The following GALNT17 variants were observed in gnomAD, a reference collection of about 807,000 sequenced individuals.
GALNT17 encodes polypeptide N-acetylgalactosaminyltransferase 17.
A neutral mutation model predicts 63.7 loss-of-function variants in GALNT17; 29 were observed. That is an observed-to-expected ratio of 0.46 (90% CI 0.34 to 0.62). The LOEUF (loss-of-function observed/expected upper bound fraction) is 0.62, where lower values mean the gene tolerates loss of function less well. Among genes scored for constraint, GALNT17 ranks in the 20% least tolerant of loss-of-function variants. GALNT17 has a pLI of 0.01. For synonymous variants in GALNT17, 305 were observed against 318.3 expected, an observed-to-expected ratio of 0.96 and a Z score of 0.45; for missense variants, 603 against 799.6, an observed-to-expected ratio of 0.75 and a Z score of 2.97.
At chr7:71,620,685 T>G (rs1225019592) in intron 6 of GALNT17, among the ~76,000 whole-genome samples, 1 of 152,198 alleles carries the variant, frequency 6.6e-6, no homozygotes, top group Non-Finnish European at 1.5e-5. Flanking sequence ...AAAGATCAAG[T>G]CAGTGTACGT....
At position 71,190,091 on chromosome 7, in the gene GALNT17, A is replaced by G. The variant is rs377141205; in HGVS notation, c.238+57051A>G. Among the ~76,000 whole-genome samples, 237 of 152,300 alleles carry G rather than the reference A, an allele frequency of 1.6e-3. 2 individuals are homozygous for G. The Middle Eastern group carries it at 0.034, about 22-fold the overall frequency. ...CTCCCAAAGTGCTGGGATTACAGGC[A>G]TGAGCCATAGCACCTGGCTGCAAGA... On this transcript the variant is annotated intron_variant, in intron 1 of 10. Transcript: ENST00000333538.
chr7:71,490,407 C>A (rs528923241), intron 5 of GALNT17, among the ~76,000 whole-genome samples: 1 of 152,196 alleles, frequency 6.6e-6, no homozygotes, highest in East Asian at 1.9e-4. Flanking sequence ...TCAAGTTATT[C>A]CTATCAGGGG....
At chr7:71,591,863 A>G (rs1052152595) in intron 6 of GALNT17, among the ~76,000 whole-genome samples, 1 of 152,058 alleles carries the variant, frequency 6.6e-6, no homozygotes, top group Admixed American at 6.6e-5. Flanking sequence ...GGGTTTCACC[A>G]TGTTGCCCAG....
At chr7:71,269,543 G>A (rs1452608115) in intron 1 of GALNT17, among the ~76,000 whole-genome samples, 1 of 152,194 alleles carries the variant, frequency 6.6e-6, no homozygotes, top group Non-Finnish European at 1.5e-5. Context: ...GGAGGAGGCA[G>A]TAGAAGGAGT....
chr7:71,151,347 C>T (rs1383544808), intron 1 of GALNT17, among the ~76,000 whole-genome samples: 2 of 152,038 alleles, frequency 1.3e-5, no homozygotes, highest in East Asian at 1.9e-4. Context: ...CTTGGCTGGG[C>T]GTGGTGGCTC....
At chr7:71,599,665 T>A (rs1388582761) in intron 6 of GALNT17, among the ~76,000 whole-genome samples, 1 of 151,772 alleles carries the variant, frequency 6.6e-6, no homozygotes, top group African/African-American at 2.4e-5. Context: ...GACATTGATA[T>A]CTGGTGGGTA....
chr7:71,276,529 T>C (rs1203657772), intron 1 of GALNT17, among the ~76,000 whole-genome samples: 1 of 152,136 alleles, frequency 6.6e-6, no homozygotes, highest in Non-Finnish European at 1.5e-5. Context: ...GTTCTCATGA[T>C]AGTGAATAAG....
intron 9 of GALNT17, among the ~76,000 whole-genome samples, chr7:71,696,906 C>T (rs2117105063): frequency 6.6e-6 from 1 of 152,104 alleles, no homozygotes; most frequent in Non-Finnish European, 1.5e-5. Flanking sequence ...AAAAATAACA[C>T]TAAGAAAAAC....
intron 6 of GALNT17, among the ~76,000 whole-genome samples, chr7:71,650,303 A>G (rs1045782641): frequency 1.3e-5 from 2 of 152,172 alleles, no homozygotes; most frequent in African/African-American, 2.4e-5. Flanking sequence ...AGGCTGGAGC[A>G]CAGTGGCATG....
chr7:71,290,126 A>G (rs1583832920), intron 1 of GALNT17, among the ~76,000 whole-genome samples: 1 of 152,196 alleles, frequency 6.6e-6, no homozygotes, highest in African/African-American at 2.4e-5. Flanking sequence ...TAGTATATGC[A>G]TGATAGCATG....
Position 71,132,713 on chromosome 7 carries a change from GT to G in GALNT17, c.-89del. ...CTTGGATCCCTGCCGGCCGTCTGGTGTGTGAGGCTTGCACGGCCCCTGGCTG... is the reference window on the plus strand; with the variant it reads ...CTTGGATCCCTGCCGGCCGTCTGGTGGTGAGGCTTGCACGGCCCCTGGCTG... On this transcript the variant is annotated 5_prime_UTR_variant, in exon 1 of 11. Transcript: ENST00000333538. 1 of 1,118,974 alleles carries G rather than the reference GT, an allele frequency of 8.9e-7. No individual in the cohort carries two copies. Among genetic ancestry groups the G allele is most frequent in the Admixed American group, 2.6e-5 (1 of 38,712 alleles). 69.3% of individuals were successfully genotyped at this position (1,118,974 alleles called of 1,614,324 possible). A position where few individuals can be genotyped will look rare whatever the true frequency, so the allele number is the denominator to read the frequency against.
intron 2 of GALNT17, among the ~76,000 whole-genome samples, chr7:71,380,526 C>T (rs917841660): frequency 3.3e-5 from 5 of 151,934 alleles, no homozygotes; most frequent in East Asian, 1.9e-4. Context: ...CTTGCTTTGT[C>T]GCCCAGGCTG....
Position 71,391,748 on chromosome 7 carries a change from A to G in GALNT17, c.589+3347A>G, listed in dbSNP as rs149568440. 7.4e-4 allele frequency among the ~76,000 whole-genome samples: 113 copies of G among 152,224 alleles called. 1 individual carries two copies. In the South Asian group the frequency reaches 0.012, roughly 16 times the overall value. ...ATGATCCTCCTGCCTCAGCCTCCCAATGTGCTGGGATTACAGGTGTGAGTC... is the reference window on the plus strand; with the variant it reads ...ATGATCCTCCTGCCTCAGCCTCCCAGTGTGCTGGGATTACAGGTGTGAGTC... On this transcript the variant is annotated intron_variant, in intron 3 of 10. Coordinates refer to ENST00000333538, the MANE Select transcript of GALNT17 (RefSeq NM_022479.3).
At chr7:71,302,027 A>G (rs1365060983) in intron 1 of GALNT17, among the ~76,000 whole-genome samples, 2 of 152,174 alleles carry the variant, frequency 1.3e-5, no homozygotes, top group African/African-American at 2.4e-5. Context: ...ATAAAAAGGA[A>G]TGAGATCATG....
At chr7:71,525,138 T>C (rs1249394020) in intron 5 of GALNT17, among the ~76,000 whole-genome samples, 1 of 152,144 alleles carries the variant, frequency 6.6e-6, no homozygotes, top group Non-Finnish European at 1.5e-5. Flanking sequence ...ACCAACTCAA[T>C]AGTTTTAGTT....
intron 6 of GALNT17, among the ~76,000 whole-genome samples, chr7:71,603,523 T>G (rs1789999012): frequency 6.6e-6 from 1 of 152,082 alleles, no homozygotes; most frequent in Non-Finnish European, 1.5e-5. Context: ...CTATGCTGAG[T>G]GCATATGCTG....
chr7:71,251,490 G>A (rs1790196698), intron 1 of GALNT17, among the ~76,000 whole-genome samples: 1 of 151,958 alleles, frequency 6.6e-6, no homozygotes, highest in Non-Finnish European at 1.5e-5. Context: ...ATTCATTGCA[G>A]CCTTGAACTC....
At chr7:71,306,619 G>C (rs1314179490) in intron 1 of GALNT17, among the ~76,000 whole-genome samples, 1 of 151,998 alleles carries the variant, frequency 6.6e-6, no homozygotes, top group African/African-American at 2.4e-5. Context: ...ATCTTAGGCT[G>C]GTGCAAAAAT....
intron 5 of GALNT17, among the ~76,000 whole-genome samples, chr7:71,502,202 C>T (rs1411366367): frequency 6.6e-6 from 1 of 152,220 alleles, no homozygotes; most frequent in Non-Finnish European, 1.5e-5. Flanking sequence ...ACAACCTGTG[C>T]TGTGTCTATT....
Sources: gnomAD v4.1 joint callset for allele counts (sites outside exome capture counted in the v4.1 genomes callset) on GRCh38, gnomAD v4.1.1 for gene constraint, MANE v1.5 for transcripts, NCBI Gene and HGNC (gene_info 2026-07-23, HGNC 2026-07-21) for gene names.